CCDC92: variants seen among roughly 807,000 people sequenced by gnomAD.
CCDC92 encodes the protein coiled-coil domain-containing protein 92.
CCDC92 carries 12 observed loss-of-function variants against 24.9 expected under a neutral mutation model. The ratio of observed to expected loss-of-function variants is 0.48; its 90% confidence interval spans 0.31 to 0.78. The LOEUF (loss-of-function observed/expected upper bound fraction) is 0.78, where lower values mean the gene tolerates loss of function less well. CCDC92 is among the 30% of genes least tolerant of loss of function. The pLI, the probability that CCDC92 is intolerant of heterozygous loss-of-function variation, is 0.05. For synonymous variants in CCDC92, 193 were observed against 196.3 expected, an observed-to-expected ratio of 0.98 and a Z score of 0.14; for missense variants, 399 against 439.4, an observed-to-expected ratio of 0.91 and a Z score of 0.82.
At position 123,937,456 on chromosome 12, in the gene CCDC92, C is replaced by CGGGTAGCTTGTCTTTGGGGGG. The variant is rs745429394; in HGVS notation, c.577_597dup (p.Pro193_Pro199dup). On this transcript the variant is annotated inframe_insertion, in exon 5 of 5. Transcript: ENST00000238156. The surrounding 1 kb of genome is among the most constrained non-coding windows in gnomAD (Gnocchi z 8.4). The stretch of plus-strand genomic sequence containing the variant: ...TTTTTCATGCGGCGGCGAGGCGTTT[C>CGGGTAGCTTGTCTTTGGGGGG]GGGTAGCTTGTCTTTGGGGGGCGCT... 2.5e-6 allele frequency: 4 copies of CGGGTAGCTTGTCTTTGGGGGG among 1,613,404 alleles called. 1 individual carries two copies. The South Asian group carries it at 4.4e-5, about 18-fold the overall frequency.
chr12:123,967,803 G>T (rs371872750), intron 1 of CCDC92, among the ~76,000 whole-genome samples: 3 of 152,318 alleles, frequency 2.0e-5, no homozygotes, highest in East Asian at 3.9e-4. Context: ...TACATGTAGT[G>T]TTTAATGCTT....
intron 1 of CCDC92, chr12:123,968,510 C>T (rs1014497251): frequency 6.6e-6 from 1 of 152,092 alleles, no homozygotes; most frequent in Admixed American, 6.5e-5. Flanking sequence ...AAAATAAACA[C>T]TTTTAAAGTT....
In CCDC92 at chr12:123,954,119, T is replaced by A. The variant is rs113010077; in HGVS notation, c.-59-9755A>T. On this transcript the variant is annotated intron_variant, in intron 1 of 4. Transcript: ENST00000238156. ...TCTCTTAAAAAAGATAATCACTAAA[T>A]ATCCACTAACAAAGTAGTATCATAT... is the stretch of plus-strand genomic sequence containing the variant. 4.1e-3 allele frequency among the ~76,000 whole-genome samples: 622 copies of A among 152,326 alleles called. 7 individuals carry two copies. The highest frequency in any genetic ancestry group is 0.014 in the African/African-American group (591 of 41,576).
At position 123,971,908 on chromosome 12, in the gene CCDC92, G is replaced by C. The variant is rs548619552; in HGVS notation, c.-60+621C>G. The C allele has an allele frequency of 2.0e-5, 3 of 152,448 alleles. No individual in the cohort carries two copies. The East Asian group carries it at 5.8e-4, about 29-fold the overall frequency. 9.4% of individuals were successfully genotyped at this position (152,448 alleles called of 1,614,324 possible). A position where few individuals can be genotyped will look rare whatever the true frequency, so the allele number is the denominator to read the frequency against. On this transcript the variant is annotated intron_variant, in intron 1 of 4. Coordinates refer to ENST00000238156, the MANE Select transcript of CCDC92 (RefSeq NM_025140.3). Reference sequence around the variant, plus strand: ...TAGTGTACTTACGGAAAGGCTACCAGGACGGGAGGCGATACAACTTGTCAG... The same window carrying C: ...TAGTGTACTTACGGAAAGGCTACCACGACGGGAGGCGATACAACTTGTCAG...
chr12:123,949,730 G>A (rs574872598), intron 1 of CCDC92, among the ~76,000 whole-genome samples: 12 of 152,324 alleles, frequency 7.9e-5, no homozygotes, highest in African/African-American at 2.6e-4. Context: ...CTCAAAAAAG[G>A]CTTTTCATTC....
intron 1 of CCDC92, among the ~76,000 whole-genome samples, chr12:123,969,679 G>A (rs1956479121): frequency 6.6e-6 from 1 of 151,910 alleles, no homozygotes; most frequent in African/African-American, 2.4e-5. Flanking sequence ...GCTCAGGATG[G>A]TCTTGATCTC....
chr12:123,948,041 C>T (rs370824611), intron 1 of CCDC92, among the ~76,000 whole-genome samples: 140 of 152,336 alleles, frequency 9.2e-4, no homozygotes, highest in African/African-American at 3.0e-3. Context: ...GTAACACTCA[C>T]GGCGAGGGTC....
intron 4 of CCDC92, among the ~76,000 whole-genome samples, chr12:123,940,494 G>A (rs1235377854): frequency 6.6e-6 from 1 of 152,144 alleles, no homozygotes; most frequent in South Asian, 2.1e-4. Context: ...GAGCTGGTAC[G>A]ACTGCTCCTC....
chr12:123,939,268 CTT>C (rs1382755125), intron 4 of CCDC92, among the ~76,000 whole-genome samples: 2 of 152,174 alleles, frequency 1.3e-5, no homozygotes, highest in African/African-American at 2.4e-5. Context: ...TTCTGTCTGT[CTT>C]GCTTTGAATT....
At chr12:123,970,388 C>A (rs1410668637) in intron 1 of CCDC92, 1 of 152,224 alleles carries the variant, frequency 6.6e-6, no homozygotes, top group East Asian at 1.9e-4. Flanking sequence ...CTTTTGCCTT[C>A]ATATAGAAGT....
chr12:123,963,458 G>A (rs1305846796), intron 1 of CCDC92, among the ~76,000 whole-genome samples: 3 of 152,180 alleles, frequency 2.0e-5, no homozygotes, highest in Admixed American at 1.3e-4. Context: ...CACGCTCAGC[G>A]AGGCAGGAGT....
intron 1 of CCDC92, among the ~76,000 whole-genome samples, chr12:123,954,730 G>A (rs1053531715): frequency 6.6e-6 from 1 of 152,226 alleles, no homozygotes; most frequent in Admixed American, 6.5e-5. Flanking sequence ...GCCTGTGCAG[G>A]CCAAGATAGG....
Position 123,935,649 on chromosome 12 carries a change from G to T in CCDC92, c.*1409C>A. 4 of 677,670 alleles carry T rather than the reference G, an allele frequency of 5.9e-6. No individual in the cohort carries two copies. The highest frequency in any genetic ancestry group is 3.0e-5 in the Admixed American group (1 of 33,134). The allele number at this position is 677,670 out of a possible 1,614,324, so 42.0% of individuals were successfully genotyped here. ...TCTTTCCATACAAATTAACCTGAAT[G>T]GTTTTGTTTTTAATACTACTTTTTA... On this transcript the variant is annotated 3_prime_UTR_variant, in exon 5 of 5. Transcript: ENST00000238156.
At chr12:123,972,155 C>G (rs1956565860) in intron 1 of CCDC92, 1 of 151,960 alleles carries the variant, frequency 6.6e-6, no homozygotes, top group Non-Finnish European at 1.5e-5. Context: ...GGTGGGCGCG[C>G]GCCGCGGCCG....
At chr12:123,949,177 C>T (rs1007512090) in intron 1 of CCDC92, among the ~76,000 whole-genome samples, 13 of 152,220 alleles carry the variant, frequency 8.5e-5, no homozygotes, top group African/African-American at 3.1e-4. Flanking sequence ...AGTAAGGGCA[C>T]TCACCCCATC....
chr12:123,966,443 T>G lies in CCDC92; in HGVS notation c.-60+6086A>C, dbSNP rs549809392. On this transcript the variant is annotated intron_variant, in intron 1 of 4. Coordinates refer to ENST00000238156, the MANE Select transcript of CCDC92 (RefSeq NM_025140.3). ...CCATGTGAGAGGAAGCTGTGTTCTT[T>G]TGAGAAATAGCTAAGTCTTGCACAC... 3.9e-5 allele frequency: 6 copies of G among 152,190 alleles called. No individual in the cohort carries two copies. The East Asian group carries it at 1.2e-3, about 29-fold the overall frequency. 9.4% of individuals were successfully genotyped at this position (152,190 alleles called of 1,614,324 possible). A position where few individuals can be genotyped will look rare whatever the true frequency, so the allele number is the denominator to read the frequency against.
intron 1 of CCDC92, among the ~76,000 whole-genome samples, chr12:123,948,146 T>G (rs1251144650): frequency 2.0e-5 from 3 of 152,166 alleles, no homozygotes; most frequent in Admixed American, 2.0e-4. Context: ...AAACGGGATA[T>G]ACTAAAACAT....
intron 1 of CCDC92, among the ~76,000 whole-genome samples, chr12:123,964,848 T>G (rs1371183153): frequency 6.6e-6 from 1 of 152,236 alleles, no homozygotes; most frequent in Non-Finnish European, 1.5e-5. Context: ...GATATCACAT[T>G]TCTGCCAATT....
In CCDC92 at chr12:123,937,162, C is replaced by T. The variant is rs776087763; in HGVS notation, c.892G>A (p.Ala298Thr). The T allele has an allele frequency of 1.9e-5, 30 of 1,610,516 alleles. No individual in the cohort carries two copies. The Middle Eastern group carries it at 6.6e-4, about 35-fold the overall frequency. The change falls in exon 5 of 5, where the codon GCC (alanine) becomes ACC (threonine). Residue 298 changes from alanine (A) to threonine (T), a missense_variant. Transcript: ENST00000238156. This position sits in a 1 kb window ranked among gnomAD's most constrained non-coding sequence, Gnocchi z 8.4. ...HVGVAHRIHH[A>T]TPPQAQPEVK... is the part of the protein sequence containing the mutation. ...TCGGGCTGGGCCTGCGGCGGGGTGG[C>T]GTGGTGGATCCGATGTGCCACCCCG...
Sources: gnomAD v4.1 joint callset for allele counts (sites outside exome capture counted in the v4.1 genomes callset) on GRCh38, gnomAD v4.1.1 for gene constraint, Gnocchi (gnomAD v3.1) non-coding constraint, MANE v1.5 for transcripts, NCBI Gene and HGNC (gene_info 2026-07-23, HGNC 2026-07-21) for gene names.